MAN1A1: variants seen among roughly 807,000 people sequenced by gnomAD.
The protein encoded by MAN1A1 is mannosyl-oligosaccharide 1,2-alpha-mannosidase IA.
MAN1A1 carries 29 observed loss-of-function variants against 70.8 expected under a neutral mutation model. That is an observed-to-expected ratio of 0.41 (90% CI 0.31 to 0.56). The LOEUF is 0.56. Ranked by LOEUF, MAN1A1 falls within the 20% of genes least tolerant of loss-of-function variation. The probability of loss-of-function intolerance (pLI) is 0.29; values close to 1 mark genes in which losing one functional copy is unlikely to be tolerated. For missense variants in MAN1A1, 747 were observed against 841.3 expected, an observed-to-expected ratio of 0.89 and a Z score of 1.39; for synonymous variants, 349 against 330.1, an observed-to-expected ratio of 1.06 and a Z score of -0.62.
At chr6:119,344,210 T>A (rs1052006162) in intron 2 of MAN1A1, among the ~76,000 whole-genome samples, 12 of 152,218 alleles carry the variant, frequency 7.9e-5, no homozygotes, top group African/African-American at 2.9e-4. Flanking sequence ...AGTTTCTAAG[T>A]CCCATATACA....
intron 2 of MAN1A1, among the ~76,000 whole-genome samples, chr6:119,347,260 C>T (rs1773754913): frequency 6.6e-6 from 1 of 152,204 alleles, no homozygotes; most frequent in Admixed American, 6.5e-5. Flanking sequence ...CTTCATTCTG[C>T]AGCCACTTAA....
rs6923320 is a variant in MAN1A1 at position 119,325,661 on chromosome 6, G to A, written c.604-18669C>T. Among the ~76,000 whole-genome samples the A allele has an allele frequency of 5.9e-3, 895 of 152,186 alleles. 28 individuals carry two copies. In the East Asian group the frequency reaches 0.09, roughly 15 times the overall value. The stretch of plus-strand genomic sequence containing the variant: ...GAACAATACTCCGTCGCCGGGGGCA[G>A]GGGGATGTGGATTTTCAGTAGTCTT... On this transcript the variant is annotated intron_variant, in intron 2 of 12. Transcript: ENST00000368468.
intron 5 of MAN1A1, among the ~76,000 whole-genome samples, chr6:119,281,995 G>T (rs192443890): frequency 6.6e-6 from 1 of 152,134 alleles, no homozygotes; most frequent in African/African-American, 2.4e-5. Flanking sequence ...CTGAGAGGAG[G>T]AGTATGCAGT....
intron 11 of MAN1A1, among the ~76,000 whole-genome samples, chr6:119,183,184 T>A (rs756758554): frequency 6.6e-6 from 1 of 152,170 alleles, no homozygotes; most frequent in Non-Finnish European, 1.5e-5. Flanking sequence ...AGGAGAAGCA[T>A]TTAATTACCT....
At chr6:119,344,333 A>G (rs2114512736) in intron 2 of MAN1A1, among the ~76,000 whole-genome samples, 2 of 152,338 alleles carry the variant, frequency 1.3e-5, no homozygotes, top group Middle Eastern at 3.4e-3. Context: ...TTAACTACCC[A>G]TTACTGTATA....
At chr6:119,340,213 G>C (rs1048627947) in intron 2 of MAN1A1, among the ~76,000 whole-genome samples, 2 of 152,128 alleles carry the variant, frequency 1.3e-5, no homozygotes, top group Non-Finnish European at 2.9e-5. Flanking sequence ...CCACAGGTCT[G>C]TTCTCTTGTC....
chr6:119,319,336 A>AT (rs1276636966), intron 2 of MAN1A1, among the ~76,000 whole-genome samples: 1 of 150,646 alleles, frequency 6.6e-6, no homozygotes, highest in Non-Finnish European at 1.5e-5. Flanking sequence ...ATAGAGCCTG[A>AT]TTTTTTTTCT....
chr6:119,209,074 G>C (rs1389322193), intron 6 of MAN1A1, among the ~76,000 whole-genome samples: 5 of 123,650 alleles, frequency 4.0e-5, no homozygotes, highest in Non-Finnish European at 8.2e-5. Context: ...CAGGGTGATA[G>C]AGTAAGACCC....
rs533114099 is a variant in MAN1A1, at chr6:119,189,565, T to C, written c.1546+99A>G. 66 of 1,024,380 alleles carry C rather than the reference T, an allele frequency of 6.4e-5. No homozygotes were observed. In the East Asian group the frequency reaches 1.0e-3, roughly 16 times the overall value. 63.5% of individuals were successfully genotyped at this position (1,024,380 alleles called of 1,614,324 possible). A position where few individuals can be genotyped will look rare whatever the true frequency, so the allele number is the denominator to read the frequency against. ...CATTAATCACGATCATCAAGCTTCATAGGCAGAGCGGATAGTCTTTTGAGG... is the reference window on the plus strand; with the variant it reads ...CATTAATCACGATCATCAAGCTTCACAGGCAGAGCGGATAGTCTTTTGAGG... On this transcript the variant is annotated intron_variant, in intron 10 of 12. Transcript: ENST00000368468.
At chr6:119,213,720 A>G (rs1010578824) in intron 6 of MAN1A1, among the ~76,000 whole-genome samples, 5 of 152,228 alleles carry the variant, frequency 3.3e-5, no homozygotes, top group African/African-American at 1.2e-4. Flanking sequence ...AGATAGTTAC[A>G]TAATAGATGC....
chr6:119,180,089 G>A lies in MAN1A1; in HGVS notation c.1836-144C>T, dbSNP rs540325482. 6.6e-6 allele frequency: 6 copies of A among 910,262 alleles called. No individual in the cohort carries two copies. The Admixed American group carries it at 9.7e-5, about 15-fold the overall frequency. 56.4% of individuals were successfully genotyped at this position (910,262 alleles called of 1,614,324 possible). A position where few individuals can be genotyped will look rare whatever the true frequency, so the allele number is the denominator to read the frequency against. ...AGTCAAATATATCAAAACCCTGAGG[G>A]GTTATACTCATTAACATGGGGTAAA... is the stretch of plus-strand genomic sequence containing the variant. On this transcript the variant is annotated intron_variant, in intron 12 of 12. Coordinates refer to ENST00000368468, the MANE Select transcript of MAN1A1 (RefSeq NM_005907.4).
chr6:119,320,634 A>AC (rs1031781334), intron 2 of MAN1A1, among the ~76,000 whole-genome samples: 1 of 150,104 alleles, frequency 6.7e-6, no homozygotes, highest in Non-Finnish European at 1.5e-5. Context: ...TTAAAAACAA[A>AC]AAAAAAAAGA....
chr6:119,247,195 C>T (rs1775190072), intron 6 of MAN1A1, among the ~76,000 whole-genome samples: 1 of 152,162 alleles, frequency 6.6e-6, no homozygotes, highest in African/African-American at 2.4e-5. Flanking sequence ...CTTGCCAAAC[C>T]ATGCTATGCA....
chr6:119,252,580 T>C (rs1431432794), intron 5 of MAN1A1, among the ~76,000 whole-genome samples: 12 of 152,136 alleles, frequency 7.9e-5, no homozygotes, highest in African/African-American at 2.7e-4. Context: ...GATCACGAAG[T>C]CAAGAGATCG....
At chr6:119,206,990 T>C (rs1224401538) in intron 6 of MAN1A1, among the ~76,000 whole-genome samples, 2 of 152,214 alleles carry the variant, frequency 1.3e-5, no homozygotes, top group Admixed American at 1.3e-4. Context: ...GATTAGAGCA[T>C]GTGGTAGCAC....
At chr6:119,198,470 C>T (rs986294229) in intron 8 of MAN1A1, among the ~76,000 whole-genome samples, 4 of 152,074 alleles carry the variant, frequency 2.6e-5, no homozygotes, top group African/African-American at 9.7e-5. Context: ...TCTCAGCACC[C>T]TTTTGTAATC....
At chr6:119,306,228 AAGTGCAGTAGGAGG>A (rs777176801) in intron 3 of MAN1A1, among the ~76,000 whole-genome samples, 40 of 152,180 alleles carry the variant, frequency 2.6e-4, no homozygotes, top group Non-Finnish European at 5.3e-4. Flanking sequence ...GAAAGAAATC[AAGTGCAGTAGGAGG>A]ATACTGGGCA....
intron 4 of MAN1A1, among the ~76,000 whole-genome samples, chr6:119,299,205 T>C (rs1582782459): frequency 1.3e-5 from 2 of 152,208 alleles, no homozygotes; most frequent in South Asian, 2.1e-4. Context: ...TACAGTAAGC[T>C]GGAAAACTTC....
intron 2 of MAN1A1, among the ~76,000 whole-genome samples, chr6:119,318,851 C>A (rs1218792585): frequency 6.6e-6 from 1 of 152,166 alleles, no homozygotes; most frequent in Non-Finnish European, 1.5e-5. Flanking sequence ...CGGGTTCTTT[C>A]ATCACCATGA....
Sources: allele counts gnomAD v4.1 joint callset (sites outside exome capture counted in the v4.1 genomes callset), GRCh38; gene constraint gnomAD v4.1.1; transcripts MANE v1.5; gene names NCBI Gene and HGNC (gene_info 2026-07-23, HGNC 2026-07-21).